TAB2: variants seen among roughly 807,000 people sequenced by gnomAD.
TAB2 encodes the protein TGF-beta-activated kinase 1 and MAP3K7-binding protein 2.
Under a neutral mutation model 65.0 loss-of-function variants are expected in TAB2, and 3 were observed. That is an observed-to-expected ratio of 0.05 (90% CI 0.02 to 0.12). The LOEUF is 0.12. TAB2 is among the 10% of genes least tolerant of loss of function. The probability of loss-of-function intolerance (pLI) is 1.00; values close to 1 mark genes in which losing one functional copy is unlikely to be tolerated. For missense variants in TAB2, 623 were observed against 840.3 expected (o/e 0.74, Z 3.20); for synonymous variants, 298 against 285.1 (o/e 1.05, Z -0.46).
chr6:149,397,591 ATG>A lies in TAB2; in HGVS notation c.1604-7_1604-6del, dbSNP rs1782215539. The stretch of plus-strand genomic sequence containing the variant: ...AGTGGGTGGGTCCTCATGTTTACTA[ATG>A]TGTGTTGCAGCTCTTTTGGTACACC... On this transcript the variant is annotated splice_polypyrimidine_tract_variant and intron_variant, in intron 3 of 6. Transcript: ENST00000637181. 3 of 1,613,896 alleles carry A rather than the reference ATG, an allele frequency of 1.9e-6. No homozygotes were observed. In the African/African-American group the frequency reaches 4.0e-5, roughly 22 times the overall value.
At chr6:149,396,321 G>C (rs1011141060) in intron 3 of TAB2, among the ~76,000 whole-genome samples, 3 of 151,976 alleles carry the variant, frequency 2.0e-5, no homozygotes, top group African/African-American at 4.8e-5. Flanking sequence ...GCCCAGCCTG[G>C]AATTTTTTTC....
chr6:149,365,620 G>A (rs1041113530), intron 1 of TAB2, among the ~76,000 whole-genome samples: 2 of 151,216 alleles, frequency 1.3e-5, no homozygotes. Flanking sequence ...TTTCTATTCG[G>A]GATTTGCTGA....
At chr6:149,329,866 T>A (rs1351101998) in intron 1 of TAB2, among the ~76,000 whole-genome samples, 3 of 152,220 alleles carry the variant, frequency 2.0e-5, no homozygotes, top group Non-Finnish European at 4.4e-5. Flanking sequence ...TTGACATTTG[T>A]ATGTGTGTGG....
chr6:149,310,312 G>A (rs1208786678), intron 1 of TAB2, among the ~76,000 whole-genome samples: 1 of 152,140 alleles, frequency 6.6e-6, no homozygotes, highest in Non-Finnish European at 1.5e-5. Flanking sequence ...ACTCCAGCTT[G>A]GGTGAGAGTG....
chr6:149,372,492 A>C (rs781088287), intron 2 of TAB2: 14 of 152,186 alleles, frequency 9.2e-5, no homozygotes, highest in Non-Finnish European at 1.9e-4. Flanking sequence ...TAAAAATAAA[A>C]TAATTAAGCT....
chr6:149,280,084 T>A (rs1181235148), intron 1 of TAB2, among the ~76,000 whole-genome samples: 1 of 152,234 alleles, frequency 6.6e-6, no homozygotes, highest in Non-Finnish European at 1.5e-5. Flanking sequence ...TAAGTTAATA[T>A]CTGCTTCCAG....
upstream of TAB2, chr6:149,218,025 G>A (rs1777058963): frequency 6.6e-6 from 1 of 152,186 alleles, no homozygotes; most frequent in African/African-American, 2.4e-5. Flanking sequence ...GCCATTCATA[G>A]CAGAACTACG....
rs765688518 is a variant in TAB2, at chr6:149,410,582, T to C, written c.*863T>C. On this transcript the variant is annotated 3_prime_UTR_variant, in exon 7 of 7. Coordinates refer to ENST00000637181, the MANE Select transcript of TAB2 (RefSeq NM_001292034.3). ...ATGCACAGAATAACTTTCCTCTACT[T>C]ATTCTGTACTTTGCCCTCATGAGTT... is the stretch of plus-strand genomic sequence containing the variant. 6.5e-6 allele frequency: 1 copy of C among 152,680 alleles called. No homozygotes were observed. The highest frequency in any genetic ancestry group is 1.9e-4 in the East Asian group (1 of 5,206). The allele number at this position is 152,680 out of a possible 1,614,324, so 9.5% of individuals were successfully genotyped here. A position where few individuals can be genotyped will look rare whatever the true frequency, so the allele number is the denominator to read the frequency against.
intron 1 of TAB2, among the ~76,000 whole-genome samples, chr6:149,234,451 C>A (rs1777459299): frequency 1.3e-5 from 2 of 152,238 alleles, no homozygotes; most frequent in Non-Finnish European, 2.9e-5. Context: ...CCCAGCTTCA[C>A]CCCGAGCTAC....
At chr6:149,356,880 T>C (rs1780670872) in intron 1 of TAB2, among the ~76,000 whole-genome samples, 1 of 152,212 alleles carries the variant, frequency 6.6e-6, no homozygotes, top group Admixed American at 6.5e-5. Flanking sequence ...ATCTCTTATA[T>C]GATTAATTTG....
At chr6:149,400,674 T>C in intron 6 of TAB2, 3 of 1,613,684 alleles carry the variant, frequency 1.9e-6, no homozygotes, top group Non-Finnish European at 2.5e-6. Context: ...GGGAGGTGTC[T>C]ACTGAAAAGG....
chr6:149,396,468 G>A (rs1782175813), intron 3 of TAB2, among the ~76,000 whole-genome samples: 2 of 152,104 alleles, frequency 1.3e-5, no homozygotes. Context: ...AATCTGTTTG[G>A]CTTTTTCATT....
At chr6:149,372,845 C>T (rs1421252484) in intron 2 of TAB2, among the ~76,000 whole-genome samples, 1 of 152,184 alleles carries the variant, frequency 6.6e-6, no homozygotes, top group Admixed American at 6.5e-5. Flanking sequence ...GCAAATTAAG[C>T]TACCTCTAAA....
Position 149,307,221 on chromosome 6 carries a change from A to G in TAB2, c.-120-70797A>G, listed in dbSNP as rs146592122. ...GGTTGAATTGGGAAATTTTTCTGCC[A>G]CCTTAGCACAAGTTGCAAAGCCAAG... On this transcript the variant is annotated intron_variant, in intron 1 of 1. Transcript: ENST00000606202. Among the ~76,000 whole-genome samples, 1,081 of 150,404 alleles carry G rather than the reference A, an allele frequency of 7.2e-3. 16 individuals are homozygous for G. The highest frequency in any genetic ancestry group is 0.026 in the African/African-American group (1,022 of 39,728).
At chr6:149,272,255 G>A (rs1023898580) in intron 1 of TAB2, among the ~76,000 whole-genome samples, 6 of 152,216 alleles carry the variant, frequency 3.9e-5, no homozygotes, top group African/African-American at 1.4e-4. Flanking sequence ...TCTAGGTTGG[G>A]ACTGAAGAGT....
rs111808173 is a variant in TAB2 at position 149,368,592 on chromosome 6, T to C, written c.-89-1317T>C. On this transcript the variant is annotated intron_variant, in intron 1 of 6. Coordinates refer to ENST00000637181, the MANE Select transcript of TAB2 (RefSeq NM_001292034.3). ...TTAAATGTCCTTTACTCATTTCTAG[T>C]ACTTTCTCTCCTGCAACCCATTTAT... Among the ~76,000 whole-genome samples, 761 of 152,086 alleles carry C rather than the reference T, an allele frequency of 5.0e-3. 5 individuals are homozygous for C. The highest frequency in any genetic ancestry group is 0.018 in the African/African-American group (740 of 41,462).
intron 3 of TAB2, among the ~76,000 whole-genome samples, chr6:149,386,905 A>C (rs1781824932): frequency 6.6e-6 from 1 of 152,172 alleles, no homozygotes; most frequent in Non-Finnish European, 1.5e-5. Flanking sequence ...GGCCATTTGC[A>C]TATTTTCTTT....
At chr6:149,295,511 T>C (rs575990234) in intron 1 of TAB2, among the ~76,000 whole-genome samples, 21 of 152,328 alleles carry the variant, frequency 1.4e-4, no homozygotes, top group Non-Finnish European at 2.6e-4. Flanking sequence ...CAGTTAAACC[T>C]ATGTTAGATC....
At chr6:149,301,757 A>C (rs1224518965) in intron 1 of TAB2, among the ~76,000 whole-genome samples, 1 of 152,220 alleles carries the variant, frequency 6.6e-6, no homozygotes, top group Non-Finnish European at 1.5e-5. Flanking sequence ...ACTTTTCAAC[A>C]AACACTATTT....
Sources: allele counts gnomAD v4.1 joint callset (sites outside exome capture counted in the v4.1 genomes callset), GRCh38; gene constraint gnomAD v4.1.1; transcripts MANE v1.5; gene names NCBI Gene and HGNC (gene_info 2026-07-23, HGNC 2026-07-21).